The following BLTP1 variants were observed in gnomAD, a reference collection of about 807,000 sequenced individuals.
BLTP1 encodes the protein bridge-like lipid transfer protein family member 1.
At chr4:122,223,235 C>G in the BLTP1 span, 2 of 771,890 alleles carry the variant, frequency 2.6e-6, no homozygotes, top group Non-Finnish European at 3.1e-6. Flanking sequence ...TTAGAGTTAG[C>G]CCTTATCCTT....
At chr4:122,171,871 G>T in the BLTP1 span, 981 of 984,932 alleles carry the variant, frequency 1.0e-3, 4 homozygotes, top group African/African-American at 0.015. Flanking sequence ...ATGAGCATAG[G>T]GGGGCGTGAT....
chr4:122,179,125 A>C, the BLTP1 span, among the ~76,000 whole-genome samples: 1 of 152,090 alleles, frequency 6.6e-6, no homozygotes, highest in Non-Finnish European at 1.5e-5. Flanking sequence ...TAAAAATTTT[A>C]AAAAATGAGC....
chr4:122,237,031 A>G, the BLTP1 span: 1 of 985,116 alleles, frequency 1.0e-6, no homozygotes, highest in Non-Finnish European at 1.2e-6. Flanking sequence ...ACTTAGAAGC[A>G]AATCAAGACC....
the BLTP1 span, chr4:122,219,675 C>T: frequency 1.4e-6 from 1 of 717,514 alleles, no homozygotes; most frequent in Non-Finnish European, 2.3e-6. Flanking sequence ...GATTTAGAAA[C>T]TTCTAAATTT....
chr4:122,348,785 G>T, the BLTP1 span: 1 of 1,058,882 alleles, frequency 9.4e-7, no homozygotes, highest in Non-Finnish European at 1.4e-6. Flanking sequence ...CTGTAGTAAA[G>T]ATATTCAGAA....
chr4:122,306,163 GA>G, the BLTP1 span: 3 of 994,004 alleles, frequency 3.0e-6, no homozygotes, highest in Non-Finnish European at 4.3e-6. Context: ...TCCTAAATCT[GA>G]AATGTGTGTA....
At chr4:122,337,742 A>T in the BLTP1 span, among the ~76,000 whole-genome samples, 1 of 151,524 alleles carries the variant, frequency 6.6e-6, no homozygotes, top group Non-Finnish European at 1.5e-5. Context: ...CCTTTGTTCA[A>T]ATTTTTGCTA....
At chr4:122,234,686 A>G in the BLTP1 span, 1 of 1,304,312 alleles carries the variant, frequency 7.7e-7, no homozygotes. Flanking sequence ...CAATTAACTT[A>G]TATTTAATTA....
the BLTP1 span, chr4:122,194,490 A>G: frequency 8.5e-6 from 7 of 828,302 alleles, no homozygotes; most frequent in Non-Finnish European, 1.0e-5. Context: ...TATTTGACAT[A>G]TAGCATATAG....
At chr4:122,307,512 A>G in the BLTP1 span, 2 of 985,336 alleles carry the variant, frequency 2.0e-6, no homozygotes, top group East Asian at 1.1e-4. Context: ...AACAAACTCA[A>G]ACATCTTTGA....
chr4:122,194,661 AGT>A, the BLTP1 span: 1 of 946,770 alleles, frequency 1.1e-6, no homozygotes, highest in Non-Finnish European at 1.3e-6. Flanking sequence ...AGGGCCATGA[AGT>A]GTGTTTGCAT....
At chr4:122,298,303 T>C in the BLTP1 span, 6 of 669,470 alleles carry the variant, frequency 9.0e-6, no homozygotes, top group Non-Finnish European at 3.7e-6. Context: ...ACCTGCACCA[T>C]GCTCTTGCCT....
the BLTP1 span, chr4:122,281,488 T>G: frequency 2.1e-6 from 3 of 1,462,998 alleles, no homozygotes; most frequent in Non-Finnish European, 2.7e-6. Context: ...TACAATAAAA[T>G]GGTACGTCCT....
At chr4:122,266,700 A>T in the BLTP1 span, 2 of 1,283,750 alleles carry the variant, frequency 1.6e-6, no homozygotes, top group African/African-American at 3.1e-5. Flanking sequence ...GGTAAGAAAT[A>T]AAAGCTGCAT....
the BLTP1 span, among the ~76,000 whole-genome samples, chr4:122,250,737 A>C: frequency 6.6e-6 from 1 of 152,224 alleles, no homozygotes; most frequent in South Asian, 2.1e-4. Context: ...TGGTGAATAT[A>C]CTACTAGAAT....
chr4:122,222,647 A>C, the BLTP1 span, among the ~76,000 whole-genome samples: 1 of 151,738 alleles, frequency 6.6e-6, no homozygotes, highest in South Asian at 2.1e-4. Context: ...TATTCACTCA[A>C]ATTTCTGCCT....
At chr4:122,300,822 G>A in the BLTP1 span, 2 of 645,504 alleles carry the variant, frequency 3.1e-6, no homozygotes, top group Non-Finnish European at 3.8e-6. Context: ...AAGATAGGCA[G>A]GCAGAATGTT....
At chr4:122,215,313 TA>T in the BLTP1 span, 1 of 928,416 alleles carries the variant, frequency 1.1e-6, no homozygotes, top group Non-Finnish European at 1.3e-6. Context: ...TACAGGAATC[TA>T]AATTTTTTTA....
chr4:122,201,188 T>C, the BLTP1 span: 1 of 1,306,896 alleles, frequency 7.7e-7, no homozygotes, highest in African/African-American at 1.5e-5. Flanking sequence ...TTACATTTGA[T>C]AAGTTTTACT....
Sources: allele counts gnomAD v4.1 joint callset (sites outside exome capture counted in the v4.1 genomes callset), GRCh38; gene constraint gnomAD v4.1.1; transcripts MANE v1.5; gene names NCBI Gene and HGNC (gene_info 2026-07-23, HGNC 2026-07-21).